Variants in GRID2 observed in about 807,000 individuals in gnomAD.
GRID2 encodes the protein glutamate ionotropic receptor delta type subunit 2.
In GRID2, 33 loss-of-function variants were observed where a neutral mutation model predicts 114.8. The observed-to-expected ratio is 0.29, with a 90% confidence interval of 0.22 to 0.38. GRID2 has a LOEUF of 0.38. Among genes scored for constraint, GRID2 ranks in the 10% least tolerant of loss-of-function variants. The probability of loss-of-function intolerance (pLI) is 1.00; values close to 1 mark genes in which losing one functional copy is unlikely to be tolerated. For missense variants in GRID2, 1,184 were observed against 1,257.7 expected, an observed-to-expected ratio of 0.94 and a Z score of 0.89; for synonymous variants, 505 against 449.9, an observed-to-expected ratio of 1.12 and a Z score of -1.55.
At chr4:93,263,137 A>T (rs1258531738) in intron 8 of GRID2, among the ~76,000 whole-genome samples, 1 of 152,020 alleles carries the variant, frequency 6.6e-6, no homozygotes, top group East Asian at 1.9e-4. Context: ...TTAAAAGCCT[A>T]GTATTTTTAA....
intron 2 of GRID2, among the ~76,000 whole-genome samples, chr4:93,072,367 T>C (rs1728885368): frequency 6.6e-6 from 1 of 152,150 alleles, no homozygotes; most frequent in African/African-American, 2.4e-5. Flanking sequence ...TTTTATGAAC[T>C]CATAAAGGCT....
intron 8 of GRID2, among the ~76,000 whole-genome samples, chr4:93,249,463 G>T (rs1439330510): frequency 1.3e-5 from 2 of 152,068 alleles, no homozygotes; most frequent in Non-Finnish European, 2.9e-5. Context: ...ATTATTTTGG[G>T]CAGCATGGCC....
chr4:92,460,406 T>C (rs920774378), intron 1 of GRID2, among the ~76,000 whole-genome samples: 5 of 151,898 alleles, frequency 3.3e-5, no homozygotes. Flanking sequence ...TCTCTTTACT[T>C]CTCCCTTCCG....
intron 1 of GRID2, among the ~76,000 whole-genome samples, chr4:92,485,163 A>C (rs1476278836): frequency 1.3e-5 from 2 of 151,028 alleles, no homozygotes; most frequent in African/African-American, 4.9e-5. Context: ...AAGCATCCTA[A>C]TCCTGGAGGA....
chr4:93,084,362 A>G (rs1443042044), intron 2 of GRID2, among the ~76,000 whole-genome samples: 1 of 152,238 alleles, frequency 6.6e-6, no homozygotes. Context: ...GCTACAATGT[A>G]GTATTTGAAA....
chr4:92,531,387 T>C (rs1466548166), intron 1 of GRID2, among the ~76,000 whole-genome samples: 1 of 151,972 alleles, frequency 6.6e-6, no homozygotes, highest in East Asian at 1.9e-4. Context: ...ACTAGAAATG[T>C]ATAAAAAGAG....
intron 1 of GRID2, among the ~76,000 whole-genome samples, chr4:92,343,787 T>A (rs1353699025): frequency 6.6e-6 from 1 of 152,192 alleles, no homozygotes; most frequent in Non-Finnish European, 1.5e-5. Context: ...TTGGCCAGTC[T>A]GGTCTTGAAC....
intron 13 of GRID2, among the ~76,000 whole-genome samples, chr4:93,595,125 A>G (rs541246289): frequency 3.3e-4 from 50 of 152,166 alleles, no homozygotes; most frequent in Non-Finnish European, 5.4e-4. Context: ...TCCTCAAACA[A>G]TGGTGACCTC....
intron 14 of GRID2, among the ~76,000 whole-genome samples, chr4:93,645,142 G>A (rs1721993085): frequency 6.6e-6 from 1 of 152,126 alleles, no homozygotes; most frequent in Admixed American, 6.6e-5. Flanking sequence ...TGAAAGGGAA[G>A]GAAAAGATAT....
intron 14 of GRID2, among the ~76,000 whole-genome samples, chr4:93,650,776 C>T (rs186808520): frequency 3.9e-4 from 59 of 152,144 alleles, no homozygotes; most frequent in African/African-American, 1.4e-3. Flanking sequence ...AGAAAATTAA[C>T]CTGTTCAAAG....
intron 11 of GRID2, among the ~76,000 whole-genome samples, chr4:93,470,633 C>T (rs567625683): frequency 1.7e-4 from 26 of 152,114 alleles, no homozygotes; most frequent in African/African-American, 4.3e-4. Flanking sequence ...TGTGTGTATA[C>T]GCACACATAT....
intron 12 of GRID2, among the ~76,000 whole-genome samples, chr4:93,498,571 T>C: frequency 6.6e-6 from 1 of 151,944 alleles, no homozygotes; most frequent in East Asian, 1.9e-4. Context: ...GTAATCTTGC[T>C]AAGCTCATAT....
At chr4:93,549,344 C>G (rs1332665807) in intron 13 of GRID2, among the ~76,000 whole-genome samples, 1 of 152,088 alleles carries the variant, frequency 6.6e-6, no homozygotes, top group Non-Finnish European at 1.5e-5. Flanking sequence ...GAAAGGCCTT[C>G]AGATAAAGGA....
chr4:93,093,289 A>T (rs1222907507), intron 3 of GRID2, among the ~76,000 whole-genome samples: 1 of 151,992 alleles, frequency 6.6e-6, no homozygotes, highest in Non-Finnish European at 1.5e-5. Flanking sequence ...TTCAAAATGG[A>T]TGTACCTGGT....
chr4:92,857,210 T>A (rs1578322684), intron 2 of GRID2, among the ~76,000 whole-genome samples: 1 of 152,260 alleles, frequency 6.6e-6, no homozygotes, highest in South Asian at 2.1e-4. Context: ...AATCCTACAA[T>A]GATCTTTAAG....
At chr4:92,860,983 A>G (rs911310926) in intron 2 of GRID2, among the ~76,000 whole-genome samples, 2 of 152,084 alleles carry the variant, frequency 1.3e-5, no homozygotes, top group African/African-American at 4.8e-5. Flanking sequence ...TAATATGTTA[A>G]GTTTAAATAA....
At chr4:92,988,665 C>T (rs556530364) in intron 2 of GRID2, among the ~76,000 whole-genome samples, 2 of 152,110 alleles carry the variant, frequency 1.3e-5, no homozygotes, top group African/African-American at 4.8e-5. Flanking sequence ...AAAGATTGAT[C>T]ATGGTTTTAT....
rs1297175009 is a variant in GRID2, at chr4:92,982,046, GAAAAA to G, written c.245-102948_245-102944del. ...GTAAAAAAAAAAAAAAAAAAAAAAA[GAAAAA>G]GAAAAAAGAAAAAGGTGACTCAGGA... On this transcript the variant is annotated intron_variant, in intron 2 of 15. Transcript: ENST00000282020. 4.6e-3 allele frequency among the ~76,000 whole-genome samples: 370 copies of G among 79,634 alleles called. 3 individuals are homozygous for G. The highest frequency in any genetic ancestry group is 0.015 in the African/African-American group (355 of 23,474). 52.2% of individuals were successfully genotyped at this position (79,634 alleles called of 152,430 possible).
At chr4:93,255,789 C>A (rs932314541) in intron 8 of GRID2, among the ~76,000 whole-genome samples, 1 of 152,068 alleles carries the variant, frequency 6.6e-6, no homozygotes, top group Admixed American at 6.6e-5. Context: ...GCTTCTTGAA[C>A]TTCCCAGACT....
Sources: gnomAD v4.1 joint callset for allele counts (sites outside exome capture counted in the v4.1 genomes callset) on GRCh38, gnomAD v4.1.1 for gene constraint, MANE v1.5 for transcripts, NCBI Gene and HGNC (gene_info 2026-07-23, HGNC 2026-07-21) for gene names.